The following CCDC83 variants were observed in gnomAD, a reference collection of about 807,000 sequenced individuals.
CCDC83 encodes the protein coiled-coil domain containing 83, also known as coiled-coil domain-containing protein 83.
A neutral mutation model predicts 50.1 loss-of-function variants in CCDC83; 54 were observed. The observed-to-expected ratio is 1.08, with a 90% CI of 0.87 to 1.35. CCDC83 has a LOEUF of 1.35. Among genes scored for constraint, CCDC83 ranks in the 40% most tolerant of loss-of-function variants. The pLI, the probability that CCDC83 is intolerant of heterozygous loss-of-function variation, is 0.00. For missense variants in CCDC83, 518 were observed against 473.9 expected (o/e 1.09, Z -0.86); for synonymous variants, 161 against 153.3 (o/e 1.05, Z -0.37).
At chr11:85,906,059 T>A (rs1017817038) in intron 7 of CCDC83, among the ~76,000 whole-genome samples, 92 of 151,598 alleles carry the variant, frequency 6.1e-4, no homozygotes, top group African/African-American at 2.1e-3. Flanking sequence ...ATCAAATAAC[T>A]TAACAATTCT....
intron 3 of CCDC83, among the ~76,000 whole-genome samples, chr11:85,879,878 A>G (rs1192922518): frequency 6.6e-6 from 1 of 152,044 alleles, no homozygotes; most frequent in Non-Finnish European, 1.5e-5. Flanking sequence ...AGCCTCCCAA[A>G]GTGTTGGAAT....
intron 4 of CCDC83, among the ~76,000 whole-genome samples, chr11:85,882,988 G>A (rs921913178): frequency 5.3e-5 from 8 of 152,312 alleles, no homozygotes; most frequent in Middle Eastern, 3.4e-3. Flanking sequence ...TGCGATCTCA[G>A]CTTACTGCAA....
intron 5 of CCDC83, among the ~76,000 whole-genome samples, chr11:85,886,580 C>T (rs1252686414): frequency 1.3e-5 from 2 of 151,892 alleles, no homozygotes; most frequent in Admixed American, 6.6e-5. Flanking sequence ...AAGAAATGGG[C>T]GGGTGGGGGG....
chr11:85,904,239 C>T (rs1052581323), intron 7 of CCDC83, among the ~76,000 whole-genome samples: 1 of 152,188 alleles, frequency 6.6e-6, no homozygotes, highest in African/African-American at 2.4e-5. Flanking sequence ...ATATACGCCA[C>T]AACAGTTTCC....
intron 3 of CCDC83, among the ~76,000 whole-genome samples, chr11:85,876,687 TAG>T (rs2093271150): frequency 6.6e-6 from 1 of 152,170 alleles, no homozygotes; most frequent in African/African-American, 2.4e-5. Flanking sequence ...GTACTTTTTG[TAG>T]AGACAGGGTT....
chr11:85,897,866 C>CCTAT (rs552313808), intron 6 of CCDC83, among the ~76,000 whole-genome samples: 173 of 152,174 alleles, frequency 1.1e-3, no homozygotes, highest in African/African-American at 4.0e-3. Context: ...CTCTTAAAGA[C>CCTAT]TTTAATAGGG....
intron 3 of CCDC83, among the ~76,000 whole-genome samples, chr11:85,880,603 G>A (rs941926680): frequency 1.6e-4 from 24 of 151,362 alleles, no homozygotes; most frequent in African/African-American, 4.9e-4. Flanking sequence ...TTTAATCAGC[G>A]TTTTCTAGTT....
rs2093369354 is a variant in CCDC83, at chr11:85,895,373, T to C, written c.592T>C (p.Trp198Arg). 1.3e-6 allele frequency: 2 copies of C among 1,557,136 alleles called. No individual in the cohort carries two copies. Among genetic ancestry groups the C allele is most frequent in the South Asian group, 1.2e-5 (1 of 86,846 alleles). Residue 198 changes from tryptophan to arginine, a missense_variant, in exon 6 of 11, where the codon TGG (tryptophan) becomes CGG (arginine). Coordinates refer to ENST00000342404, the MANE Select transcript of CCDC83 (RefSeq NM_001286159.2). ...GTTGCAACTGGACCAAAAGAAGGAA[T>C]GGGCCACACAGGTATAATTCAATTT... ...TLLQLDQKKEWATQNAVKLID... is the reference protein window; with the variant it reads ...TLLQLDQKKERATQNAVKLID...
rs533144849 is a variant in CCDC83 at position 85,857,817 on chromosome 11, C to T, written c.-29+2233C>T. Among the ~76,000 whole-genome samples the T allele has an allele frequency of 1.2e-4, 19 of 152,234 alleles. 1 individual carries two copies. The South Asian group carries it at 3.7e-3, about 30-fold the overall frequency. On this transcript the variant is annotated intron_variant, in intron 1 of 10. Transcript: ENST00000342404. Reference sequence around the variant, plus strand: ...CCATGTCATCATCATCAAGATCGACCCCATCAACATACTGCAGGCTGCCAT... The same window carrying T: ...CCATGTCATCATCATCAAGATCGACTCCATCAACATACTGCAGGCTGCCAT...
At chr11:85,911,193 G>T in intron 7 of CCDC83, 88 bp from the exon 8 acceptor site, 201 of 856,552 alleles carry the variant, frequency 2.3e-4, no homozygotes, top group Middle Eastern at 4.0e-4. Flanking sequence ...AAAAAAAAAA[G>T]AAAGAAAAAA....
chr11:85,896,604 T>G (rs1003018266), intron 6 of CCDC83, among the ~76,000 whole-genome samples: 1 of 152,026 alleles, frequency 6.6e-6, no homozygotes, highest in Non-Finnish European at 1.5e-5. Flanking sequence ...TAAAATGAAA[T>G]ATAATTTGTC....
intron 7 of CCDC83, among the ~76,000 whole-genome samples, chr11:85,903,197 C>G (rs969101495): frequency 6.6e-6 from 1 of 152,136 alleles, no homozygotes; most frequent in African/African-American, 2.4e-5. Context: ...TGCACCACTG[C>G]ACTCCAGCCT....
intron 7 of CCDC83, among the ~76,000 whole-genome samples, chr11:85,902,568 G>A (rs764942941): frequency 2.0e-5 from 3 of 152,074 alleles, no homozygotes; most frequent in Non-Finnish European, 4.4e-5. Flanking sequence ...CTGTGCAACC[G>A]GTGCAGACAT....
chr11:85,877,264 G>A (rs2093274354), intron 3 of CCDC83, among the ~76,000 whole-genome samples: 1 of 152,186 alleles, frequency 6.6e-6, no homozygotes, highest in Admixed American at 6.5e-5. Context: ...GAGGCCAGGT[G>A]TTTTGAGACC....
chr11:85,895,498 C>A, intron 6 of CCDC83, 114 bp downstream of exon 6: 1 of 609,434 alleles, frequency 1.6e-6, no homozygotes, highest in South Asian at 2.2e-5. Context: ...TTGGGATGCT[C>A]AACCTGTAAT....
intron 5 of CCDC83, among the ~76,000 whole-genome samples, chr11:85,894,994 C>T (rs1217065580): frequency 1.3e-5 from 2 of 152,166 alleles, no homozygotes; most frequent in Non-Finnish European, 2.9e-5. Context: ...CTGTATTTCT[C>T]ACCTGAGCCT....
intron 2 of CCDC83, among the ~76,000 whole-genome samples, chr11:85,869,234 T>C (rs1295453087): frequency 1.3e-5 from 2 of 152,210 alleles, no homozygotes; most frequent in African/African-American, 2.4e-5. Flanking sequence ...TTCATGGATA[T>C]AGGAACTCTT....
intron 7 of CCDC83, among the ~76,000 whole-genome samples, chr11:85,905,309 G>A (rs1321809215): frequency 1.3e-5 from 2 of 152,092 alleles, no homozygotes; most frequent in African/African-American, 4.8e-5. Flanking sequence ...GGGCGTGATG[G>A]TGCATGCCTG....
intron 6 of CCDC83, 71 bp downstream of exon 6, chr11:85,895,455 T>C (rs939122143): frequency 5.3e-6 from 5 of 935,536 alleles, no homozygotes; most frequent in Admixed American, 2.4e-5. Flanking sequence ...GGGTATATTA[T>C]AGTGGTTAAG....
Sources: allele counts gnomAD v4.1 joint callset (sites outside exome capture counted in the v4.1 genomes callset), GRCh38; gene constraint gnomAD v4.1.1; transcripts MANE v1.5; gene names NCBI Gene and HGNC (gene_info 2026-07-23, HGNC 2026-07-21).